The following PDE3B variants were observed in gnomAD, a reference collection of about 807,000 sequenced individuals.
The protein encoded by PDE3B is cGMP-inhibited 3',5'-cyclic phosphodiesterase 3B.
Under a neutral mutation model 116.8 loss-of-function variants are expected in PDE3B, and 66 were observed. The observed-to-expected ratio is 0.56, with a 90% CI of 0.46 to 0.69. The LOEUF is 0.69. Ranked by LOEUF, PDE3B falls within the 30% of genes least tolerant of loss-of-function variation. The pLI, the probability that PDE3B is intolerant of heterozygous loss-of-function variation, is 0.00. For synonymous variants in PDE3B, 595 were observed against 533.6 expected, an observed-to-expected ratio of 1.12 and a Z score of -1.59; for missense variants, 1,384 against 1,368.1, an observed-to-expected ratio of 1.01 and a Z score of -0.18.
chr11:14,834,056 T>G (rs1167942103), intron 10 of PDE3B, among the ~76,000 whole-genome samples: 1 of 152,150 alleles, frequency 6.6e-6, no homozygotes, highest in East Asian at 1.9e-4. Context: ...TAATATAAGA[T>G]AATTAATGTA....
chr11:14,672,682 C>T (rs1216389904), intron 1 of PDE3B, among the ~76,000 whole-genome samples: 2 of 152,116 alleles, frequency 1.3e-5, no homozygotes, highest in Non-Finnish European at 2.9e-5. Flanking sequence ...AGGGTCTTGT[C>T]TTAATCTGCA....
At chr11:14,737,176 A>G (rs1856623120) in intron 1 of PDE3B, among the ~76,000 whole-genome samples, 1 of 151,034 alleles carries the variant, frequency 6.6e-6, no homozygotes, top group Non-Finnish European at 1.5e-5. Context: ...AAATAGCTAG[A>G]GAGAGACCAA....
intron 1 of PDE3B, among the ~76,000 whole-genome samples, chr11:14,760,783 A>G (rs1158381914): frequency 2.0e-5 from 3 of 152,122 alleles, no homozygotes; most frequent in African/African-American, 7.2e-5. Context: ...TTGGAACATT[A>G]AAAAAATTGA....
At chr11:14,869,075 C>T (rs1250475611) in intron 15 of PDE3B, among the ~76,000 whole-genome samples, 3 of 152,048 alleles carry the variant, frequency 2.0e-5, no homozygotes, top group Admixed American at 6.6e-5. Flanking sequence ...TAATTCAATA[C>T]ATAAGAATGC....
chr11:14,791,274 G>A (rs186724320), intron 4 of PDE3B, among the ~76,000 whole-genome samples: 41 of 152,128 alleles, frequency 2.7e-4, no homozygotes, highest in African/African-American at 7.2e-4. Flanking sequence ...TCATATCCTT[G>A]ATTTTGAGTC....
chr11:14,814,844 C>A (rs1276494775), intron 5 of PDE3B, among the ~76,000 whole-genome samples: 1 of 152,054 alleles, frequency 6.6e-6, no homozygotes, highest in Non-Finnish European at 1.5e-5. Context: ...CACCTGTAGT[C>A]CCAGCTACTT....
intron 1 of PDE3B, among the ~76,000 whole-genome samples, chr11:14,681,142 T>C (rs1374421648): frequency 2.0e-5 from 3 of 152,200 alleles, no homozygotes; most frequent in Admixed American, 1.3e-4. Context: ...AAGCACATTT[T>C]TGACTTAATA....
At position 14,644,278 on chromosome 11, in the gene PDE3B, A is replaced by G. The variant is rs770873790; in HGVS notation, c.203A>G (p.Gln68Arg). The change falls in exon 1 of 16, where the codon CAG becomes CGG. Residue 68 changes from glutamine to arginine, a missense_variant. Physicochemically the swap from Gln to Arg is conservative, Grantham distance 43. This residue lies in a region of PDE3B where 956 missense variants were observed against 806.8 expected (regional missense o/e 1.18). Coordinates refer to ENST00000282096, the MANE Select transcript of PDE3B (RefSeq NM_000922.4). The stretch of plus-strand genomic sequence containing the variant: ...CGGCCGCCGCCGGCCTCTCCCCAGC[A>G]GCCGCGGCGCTGCTCCCCCTTCTGC... The part of the protein sequence containing the change: ...ELRPPPASPQ[Q>R]PRRCSPFCRA... 4 of 1,565,694 alleles carry G rather than the reference A, an allele frequency of 2.6e-6. No individual in the cohort carries two copies. The South Asian group carries it at 3.5e-5, about 14-fold the overall frequency.
chr11:14,655,248 T>C (rs1385735126), intron 1 of PDE3B, among the ~76,000 whole-genome samples: 1 of 152,138 alleles, frequency 6.6e-6, no homozygotes, highest in Non-Finnish European at 1.5e-5. Flanking sequence ...ATGATCATTA[T>C]GTAATTATAA....
chr11:14,783,614 TG>T (rs1474113611), intron 2 of PDE3B, among the ~76,000 whole-genome samples: 2 of 149,294 alleles, frequency 1.3e-5, no homozygotes, highest in Non-Finnish European at 3.0e-5. Flanking sequence ...TGTAGTGGGG[TG>T]GGGGAGTGGG....
intron 1 of PDE3B, among the ~76,000 whole-genome samples, chr11:14,756,821 C>CT (rs1332321612): frequency 6.8e-6 from 1 of 147,726 alleles, no homozygotes; most frequent in Non-Finnish European, 1.5e-5. Flanking sequence ...TTTTATTATA[C>CT]TTTAAGTTTT....
chr11:14,845,119 T>C lies in PDE3B; in HGVS notation c.2520+1093T>C, dbSNP rs369353707. 3.8e-4 allele frequency among the ~76,000 whole-genome samples: 58 copies of C among 151,920 alleles called. 1 individual carries two copies. The East Asian group carries it at 7.2e-3, about 19-fold the overall frequency. On this transcript the variant is annotated intron_variant, in intron 12 of 15. Transcript: ENST00000282096. ...GGGGCAGACTGACACCTCACACGGCTGGGTACTCCTCCGAGACAAAACTTC... is the reference window on the plus strand; with the variant it reads ...GGGGCAGACTGACACCTCACACGGCCGGGTACTCCTCCGAGACAAAACTTC...
intron 2 of PDE3B, among the ~76,000 whole-genome samples, chr11:14,781,679 G>T (rs550664464): frequency 6.6e-6 from 1 of 152,012 alleles, no homozygotes; most frequent in Non-Finnish European, 1.5e-5. Context: ...TAAGAGCTAT[G>T]TATGACAAAC....
At chr11:14,677,871 A>C (rs536687878) in intron 1 of PDE3B, among the ~76,000 whole-genome samples, 2 of 152,264 alleles carry the variant, frequency 1.3e-5, no homozygotes, top group South Asian at 4.1e-4. Context: ...ACCAGTTTAT[A>C]TTTTATTGTT....
chr11:14,891,992 C>G, the PDE3B span: 1 of 1,613,414 alleles, frequency 6.2e-7, no homozygotes, highest in African/African-American at 1.3e-5. Flanking sequence ...TCTCCGTACA[C>G]CTGGCTCTGC....
At chr11:14,700,302 A>G (rs1225017198) in intron 1 of PDE3B, among the ~76,000 whole-genome samples, 1 of 151,750 alleles carries the variant, frequency 6.6e-6, no homozygotes, top group East Asian at 1.9e-4. Context: ...CAAAAGTCTA[A>G]TATTTGGATG....
chr11:14,771,074 A>T (rs1857629396), intron 1 of PDE3B, among the ~76,000 whole-genome samples: 1 of 151,756 alleles, frequency 6.6e-6, no homozygotes, highest in East Asian at 1.9e-4. Flanking sequence ...AGGACAAAAA[A>T]CAACACAAAT....
intron 10 of PDE3B, among the ~76,000 whole-genome samples, chr11:14,833,902 G>A (rs1049006341): frequency 3.3e-5 from 5 of 152,110 alleles, no homozygotes; most frequent in African/African-American, 7.2e-5. Context: ...GAAATGGAAC[G>A]AAAAGAAAGA....
chr11:14,878,844 A>C, the PDE3B span, among the ~76,000 whole-genome samples: 1 of 152,050 alleles, frequency 6.6e-6, no homozygotes. Context: ...CTGTTACTGA[A>C]TTCTCATTCC....
Sources: allele counts gnomAD v4.1 joint callset (sites outside exome capture counted in the v4.1 genomes callset), GRCh38; gene constraint gnomAD v4.1.1; regional missense constraint gnomAD v4.1.1; transcripts MANE v1.5; gene names NCBI Gene and HGNC (gene_info 2026-07-23, HGNC 2026-07-21).